CDK17: variants seen among roughly 807,000 people sequenced by gnomAD.
CDK17 encodes the protein cyclin dependent kinase 17.
CDK17 carries 24 observed loss-of-function variants against 77.6 expected under a neutral mutation model. The ratio of observed to expected loss-of-function variants is 0.31; its 90% CI spans 0.22 to 0.44. The LOEUF (loss-of-function observed/expected upper bound fraction) is 0.44, where lower values mean the gene tolerates loss of function less well. Among genes scored for constraint, CDK17 ranks in the 20% least tolerant of loss-of-function variants. The pLI is 1.00. For missense variants in CDK17, 429 were observed against 622.5 expected, an observed-to-expected ratio of 0.69 and a Z score of 3.31; for synonymous variants, 203 against 210.4, an observed-to-expected ratio of 0.96 and a Z score of 0.30.
chr12:96,388,412 A>C (rs1954012207), intron 1 of CDK17, among the ~76,000 whole-genome samples: 2 of 152,194 alleles, frequency 1.3e-5, no homozygotes, highest in Non-Finnish European at 2.9e-5. Context: ...CCCCAAACAT[A>C]CAAGAAGGAT....
intron 1 of CDK17, among the ~76,000 whole-genome samples, chr12:96,346,904 A>ACT (rs968530254): frequency 4.0e-5 from 6 of 150,492 alleles, no homozygotes; most frequent in African/African-American, 1.5e-4. Context: ...AGGGAGGGAG[A>ACT]CTCTGTCTCA....
intron 5 of CDK17, among the ~76,000 whole-genome samples, chr12:96,300,854 C>CA (rs1288446481): frequency 6.6e-6 from 1 of 152,026 alleles, no homozygotes. Flanking sequence ...TTCAAAGGTT[C>CA]AAAAATATCA....
chr12:96,323,502 A>G (rs902338851), intron 3 of CDK17, among the ~76,000 whole-genome samples: 3 of 152,102 alleles, frequency 2.0e-5, no homozygotes, highest in Non-Finnish European at 2.9e-5. Flanking sequence ...GGCATCATCA[A>G]AAAAGGCCAG....
intron 5 of CDK17, among the ~76,000 whole-genome samples, chr12:96,309,901 G>A (rs1411735030): frequency 1.3e-5 from 2 of 152,166 alleles, no homozygotes; most frequent in Non-Finnish European, 2.9e-5. Flanking sequence ...ATACGTATAA[G>A]TTGGTACAAC....
Position 96,297,249 on chromosome 12 carries a change from T to TAC in CDK17, c.873+19_873+20dup, listed in dbSNP as rs750690539. ...TATGCTTTAAACAAAATTTAAAAATTACACACGCAAGAAAACATACCTTTA... is the reference window on the plus strand; with the variant it reads ...TATGCTTTAAACAAAATTTAAAAATTACACACACGCAAGAAAACATACCTTTA... On this transcript the variant is annotated intron_variant, in intron 9 of 16. Transcript: ENST00000261211. 1.9e-6 allele frequency: 3 copies of TAC among 1,554,062 alleles called. No individual in the cohort carries two copies. The South Asian group carries it at 3.4e-5, about 18-fold the overall frequency.
chr12:96,380,253 A>C (rs1406164706), intron 1 of CDK17, among the ~76,000 whole-genome samples: 1 of 149,932 alleles, frequency 6.7e-6, no homozygotes, highest in Non-Finnish European at 1.5e-5. Flanking sequence ...AAAATTACCC[A>C]AAAAAGGCAC....
At chr12:96,314,534 C>CA (rs1952683002) in intron 3 of CDK17, among the ~76,000 whole-genome samples, 1 of 152,052 alleles carries the variant, frequency 6.6e-6, no homozygotes, top group Non-Finnish European at 1.5e-5. Flanking sequence ...TGCAAAAATT[C>CA]AAAAAACTGC....
chr12:96,313,770 G>A (rs1952673343), intron 3 of CDK17, among the ~76,000 whole-genome samples: 1 of 152,002 alleles, frequency 6.6e-6, no homozygotes, highest in African/African-American at 2.4e-5. Flanking sequence ...TCTAGATCTG[G>A]GAACTGAGAC....
chr12:96,288,504 A>T (rs1952275414), intron 11 of CDK17, among the ~76,000 whole-genome samples: 1 of 152,190 alleles, frequency 6.6e-6, no homozygotes, highest in African/African-American at 2.4e-5. Flanking sequence ...TTCCTGAGAT[A>T]TAGTGAGTAT....
chr12:96,335,395 G>C (rs1311109640), intron 1 of CDK17, among the ~76,000 whole-genome samples: 1 of 152,170 alleles, frequency 6.6e-6, no homozygotes, highest in Non-Finnish European at 1.5e-5. Flanking sequence ...TTACTTGTTA[G>C]GCTTTCAAGT....
chr12:96,280,636 G>A, intron 16 of CDK17, 172 bp downstream of exon 16: 1 of 1,424,852 alleles, frequency 7.0e-7, no homozygotes, highest in Non-Finnish European at 9.1e-7. Flanking sequence ...TTACTGAGCT[G>A]CCCACATCAT....
intron 1 of CDK17, among the ~76,000 whole-genome samples, chr12:96,335,463 C>CG (rs746358060): frequency 2.0e-5 from 3 of 152,164 alleles, no homozygotes; most frequent in Non-Finnish European, 4.4e-5. Context: ...GCCAAATTAG[C>CG]GGGTACTGAA....
At chr12:96,377,845 C>T (rs542058242) in intron 1 of CDK17, among the ~76,000 whole-genome samples, 1 of 152,174 alleles carries the variant, frequency 6.6e-6, no homozygotes, top group East Asian at 1.9e-4. Flanking sequence ...AGGCGCCCGC[C>T]ACTACGCCCA....
At chr12:96,287,992 T>C (rs1208920918) in intron 11 of CDK17, among the ~76,000 whole-genome samples, 2 of 152,038 alleles carry the variant, frequency 1.3e-5, no homozygotes, top group Non-Finnish European at 2.9e-5. Context: ...GAAAGTATTA[T>C]AGAACAGTGG....
chr12:96,294,550 T>A, intron 10 of CDK17, among the ~76,000 whole-genome samples: 1 of 117,620 alleles, frequency 8.5e-6, no homozygotes, highest in African/African-American at 3.4e-5. Context: ...ACCACTGCAC[T>A]CCAGCCTGGG....
chr12:96,394,641 C>A (rs1297452781), intron 1 of CDK17, among the ~76,000 whole-genome samples: 3 of 151,770 alleles, frequency 2.0e-5, no homozygotes, highest in Non-Finnish European at 4.4e-5. Context: ...ATGGTGAAAA[C>A]CCATCTCTAC....
At chr12:96,385,675 CAT>C (rs552136396) in intron 1 of CDK17, among the ~76,000 whole-genome samples, 26 of 152,010 alleles carry the variant, frequency 1.7e-4, no homozygotes, top group Middle Eastern at 3.4e-3. Context: ...AAATACAAAA[CAT>C]ATTGGAGAAA....
At chr12:96,382,761 T>C (rs1231681776) in intron 1 of CDK17, among the ~76,000 whole-genome samples, 1 of 152,042 alleles carries the variant, frequency 6.6e-6, no homozygotes, top group Non-Finnish European at 1.5e-5. Context: ...ACAAAAAGCA[T>C]ATCATCTTCT....
intron 3 of CDK17, among the ~76,000 whole-genome samples, chr12:96,316,649 C>CAG: frequency 7.6e-6 from 1 of 131,278 alleles, no homozygotes; most frequent in Non-Finnish European, 1.6e-5. Context: ...TCCCTGACCC[C>CAG]CTGACCCCCG....
Sources: gnomAD v4.1 joint callset for allele counts (sites outside exome capture counted in the v4.1 genomes callset) on GRCh38, gnomAD v4.1.1 for gene constraint, MANE v1.5 for transcripts, NCBI Gene and HGNC (gene_info 2026-07-23, HGNC 2026-07-21) for gene names.